Variants in STPG2 observed in about 807,000 individuals in gnomAD.
STPG2 encodes sperm-tail PG-rich repeat-containing protein 2.
STPG2 carries 56 observed loss-of-function variants against 54.2 expected under a neutral mutation model. The ratio of observed to expected loss-of-function variants is 1.03; its 90% confidence interval spans 0.83 to 1.29. The LOEUF is 1.29. Among genes scored for constraint, STPG2 ranks in the 50% most tolerant of loss-of-function variants. The pLI is 0.00. For synonymous variants in STPG2, 200 were observed against 181.8 expected (o/e 1.10, Z -0.81); for missense variants, 596 against 544.9 (o/e 1.09, Z -0.93).
intron 6 of STPG2, among the ~76,000 whole-genome samples, chr4:97,975,831 A>G (rs1056623656): frequency 1.3e-5 from 2 of 152,206 alleles, no homozygotes; most frequent in African/African-American, 2.4e-5. Context: ...CTACAAGATA[A>G]GGGGTTTACA....
chr4:97,457,582 T>G (rs2148804492), intron 4 of STPG2, among the ~76,000 whole-genome samples: 1 of 152,360 alleles, frequency 6.6e-6, no homozygotes, highest in Non-Finnish European at 1.5e-5. Flanking sequence ...TCTGGTGTTG[T>G]GCTGCCCAAT....
At chr4:97,785,516 GT>G (rs1450283844) in intron 9 of STPG2, among the ~76,000 whole-genome samples, 3 of 152,162 alleles carry the variant, frequency 2.0e-5, no homozygotes, top group African/African-American at 7.2e-5. Flanking sequence ...ATACGTTTGT[GT>G]TCATACAATG....
chr4:97,827,502 T>C (rs1728299507), intron 9 of STPG2, among the ~76,000 whole-genome samples: 1 of 152,156 alleles, frequency 6.6e-6, no homozygotes, highest in East Asian at 1.9e-4. Flanking sequence ...GCCAAAGTGC[T>C]GGGATTACAG....
intron 5 of STPG2, among the ~76,000 whole-genome samples, chr4:98,055,042 C>T (rs1737438842): frequency 6.6e-6 from 1 of 152,050 alleles, no homozygotes; most frequent in Admixed American, 6.6e-5. Flanking sequence ...AGAAGCTACG[C>T]TGAGGTAGGG....
intron 8 of STPG2, among the ~76,000 whole-genome samples, chr4:97,904,249 A>G (rs575719544): frequency 1.2e-4 from 18 of 152,192 alleles, no homozygotes; most frequent in Non-Finnish European, 1.5e-4. Flanking sequence ...ACAGCTGGAG[A>G]TCTGAGAACA....
chr4:97,664,918 A>C (rs1253548591), intron 10 of STPG2, among the ~76,000 whole-genome samples: 1 of 151,896 alleles, frequency 6.6e-6, no homozygotes, highest in Non-Finnish European at 1.5e-5. Context: ...TGAGTGAGCA[A>C]GCGTGGGGTC....
intron 10 of STPG2, among the ~76,000 whole-genome samples, chr4:97,620,353 G>A (rs2148923501): frequency 6.6e-6 from 1 of 152,300 alleles, no homozygotes; most frequent in Admixed American, 6.5e-5. Context: ...CTATAATTAT[G>A]TAGTGCTTTA....
intron 10 of STPG2, among the ~76,000 whole-genome samples, chr4:97,658,071 A>C (rs1044611269): frequency 6.6e-6 from 1 of 152,214 alleles, no homozygotes; most frequent in Non-Finnish European, 1.5e-5. Flanking sequence ...ATGATGATGG[A>C]TTTTTCTAAA....
intron 10 of STPG2, among the ~76,000 whole-genome samples, chr4:97,701,001 G>C (rs1233358364): frequency 6.6e-6 from 1 of 152,160 alleles, no homozygotes; most frequent in East Asian, 1.9e-4. Context: ...AGGCCAAATG[G>C]GAGAGGTGAG....
intron 8 of STPG2, among the ~76,000 whole-genome samples, chr4:97,857,754 C>T (rs902776782): frequency 1.3e-5 from 2 of 151,790 alleles, no homozygotes; most frequent in African/African-American, 4.8e-5. Context: ...ACAGAAAATT[C>T]AAAATAGCTG....
intron 4 of STPG2, among the ~76,000 whole-genome samples, chr4:97,513,173 G>A (rs191952409): frequency 3.2e-4 from 48 of 152,098 alleles, no homozygotes; most frequent in African/African-American, 1.0e-3. Context: ...AGAATATTAC[G>A]AAGGATAAAT....
chr4:98,067,780 A>C lies in STPG2; in HGVS notation c.612+38173T>G, dbSNP rs1378246974. ...AAACAAAAGCAGTTTTCTGATAAAC[A>C]TGTATCTTTAAACTTAGTTTTGGTG... On this transcript the variant is annotated intron_variant, in intron 5 of 10. Coordinates refer to ENST00000295268, the MANE Select transcript of STPG2 (RefSeq NM_174952.3). Among the ~76,000 whole-genome samples, 3 of 152,172 alleles carry C rather than the reference A, an allele frequency of 2.0e-5. No homozygotes were observed. The South Asian group carries it at 6.2e-4, about 31-fold the overall frequency.
In STPG2 at chr4:97,591,970, C is replaced by G. The variant is rs576195069; in HGVS notation, c.1321-32853G>C. 4.6e-4 allele frequency among the ~76,000 whole-genome samples: 70 copies of G among 152,220 alleles called. No homozygotes were observed. In the South Asian group the frequency reaches 0.015, roughly 32 times the overall value. On this transcript the variant is annotated intron_variant, in intron 10 of 10. Coordinates refer to ENST00000295268, the MANE Select transcript of STPG2 (RefSeq NM_174952.3). ...GAAAAATATCCCAGTACCTGAAAAT[C>G]ATTTTTGTGATTAAATGATATGCCT...
At chr4:97,718,988 A>T (rs1397137202) in intron 9 of STPG2, among the ~76,000 whole-genome samples, 1 of 151,966 alleles carries the variant, frequency 6.6e-6, no homozygotes, top group Non-Finnish European at 1.5e-5. Flanking sequence ...GCTCAAAGAA[A>T]ATACTCATTG....
chr4:97,976,717 G>C (rs1180099393), intron 6 of STPG2, among the ~76,000 whole-genome samples: 2 of 152,050 alleles, frequency 1.3e-5, no homozygotes, highest in Non-Finnish European at 2.9e-5. Flanking sequence ...AAATTTCCAT[G>C]ATGGCCATTC....
At chr4:97,735,914 T>A (rs902087144) in intron 9 of STPG2, among the ~76,000 whole-genome samples, 1 of 152,088 alleles carries the variant, frequency 6.6e-6, no homozygotes, top group African/African-American at 2.4e-5. Context: ...AAAGAAGACA[T>A]GCAAATGGCC....
At chr4:98,101,864 T>TCCCC (rs140638030) in intron 5 of STPG2, among the ~76,000 whole-genome samples, 23 of 143,880 alleles carry the variant, frequency 1.6e-4, no homozygotes, top group Non-Finnish European at 2.7e-4. Context: ...TTTCATTATC[T>TCCCC]TCCCCCTCCC....
intron 10 of STPG2, among the ~76,000 whole-genome samples, chr4:97,569,027 C>T (rs921021204): frequency 1.3e-5 from 2 of 151,938 alleles, no homozygotes; most frequent in African/African-American, 2.4e-5. Flanking sequence ...AAAGTGAAAG[C>T]AAGTTTATTA....
At chr4:97,526,630 G>T (rs1731286340) in intron 4 of STPG2, among the ~76,000 whole-genome samples, 1 of 151,984 alleles carries the variant, frequency 6.6e-6, no homozygotes, top group Non-Finnish European at 1.5e-5. Flanking sequence ...TAGGTTGCCT[G>T]TTCACTCTGA....
Sources: gnomAD v4.1 joint callset for allele counts (sites outside exome capture counted in the v4.1 genomes callset) on GRCh38, gnomAD v4.1.1 for gene constraint, MANE v1.5 for transcripts, NCBI Gene and HGNC (gene_info 2026-07-23, HGNC 2026-07-21) for gene names.